The following SLC24A3 variants were observed in gnomAD, a reference collection of about 807,000 sequenced individuals.
SLC24A3 encodes sodium/potassium/calcium exchanger 3.
A neutral mutation model predicts 75.8 loss-of-function variants in SLC24A3; 28 were observed. The ratio of observed to expected loss-of-function variants is 0.37; its 90% CI spans 0.27 to 0.51. SLC24A3 has a LOEUF of 0.51. Ranked by LOEUF, SLC24A3 falls within the 20% of genes least tolerant of loss-of-function variation. SLC24A3 has a pLI of 0.94. For synonymous variants in SLC24A3, 372 were observed against 334.1 expected (o/e 1.11, Z -1.24); for missense variants, 663 against 847.8 (o/e 0.78, Z 2.71).
intron 2 of SLC24A3, among the ~76,000 whole-genome samples, chr20:19,311,748 G>T (rs1984462044): frequency 6.6e-6 from 1 of 152,086 alleles, no homozygotes; most frequent in South Asian, 2.1e-4. Flanking sequence ...ACAACAGTAT[G>T]CAGCTCTCTT....
chr20:19,534,485 A>T (rs920220589), intron 3 of SLC24A3, among the ~76,000 whole-genome samples: 4 of 147,678 alleles, frequency 2.7e-5, no homozygotes, highest in African/African-American at 9.8e-5. Flanking sequence ...ATCTTGGCTC[A>T]CTGCAACCTC....
chr20:19,318,770 G>A (rs754224124), intron 2 of SLC24A3, among the ~76,000 whole-genome samples: 6 of 152,178 alleles, frequency 3.9e-5, no homozygotes, highest in Non-Finnish European at 2.9e-5. Context: ...GGCTGGAAGA[G>A]AGGCTGATGG....
rs765138994 is a variant in SLC24A3 at position 19,212,835 on chromosome 20, G to A, written c.-8G>A. 2,231 of 1,016,156 alleles carry A rather than the reference G, an allele frequency of 2.2e-3. 6 individuals are homozygous for A. Among genetic ancestry groups the A allele is most frequent in the Non-Finnish European group, 2.4e-3 (2,071 of 851,294 alleles). 62.9% of individuals were successfully genotyped at this position (1,016,156 alleles called of 1,614,324 possible). A position where few individuals can be genotyped will look rare whatever the true frequency, so the allele number is the denominator to read the frequency against. On this transcript the variant is annotated 5_prime_UTR_variant, in exon 1 of 17. Transcript: ENST00000328041. ...CGCCCGCCGAGGCCGCCGCCCGGCC[G>A]CCCGAGGATGCGGCCGTCCGGCGAC...
At chr20:19,587,393 CA>C (rs1006238344) in intron 6 of SLC24A3, among the ~76,000 whole-genome samples, 2 of 152,174 alleles carry the variant, frequency 1.3e-5, no homozygotes, top group African/African-American at 4.8e-5. Context: ...CCCTGAACTC[CA>C]AAAAATGCTG....
Position 19,617,058 on chromosome 20 carries a change from A to G in SLC24A3, c.612+31514A>G, listed in dbSNP as rs76869162. Among the ~76,000 whole-genome samples, 293 of 152,290 alleles carry G rather than the reference A, an allele frequency of 1.9e-3. 1 individual carries two copies. In the East Asian group the frequency reaches 0.031, roughly 16 times the overall value. ...TTACATTCCCTGGAATATATGGTGC[A>G]TCAGACACAATGCTGGAGATTGCAC... On this transcript the variant is annotated intron_variant, in intron 6 of 16. Coordinates refer to ENST00000328041, the MANE Select transcript of SLC24A3 (RefSeq NM_020689.4).
At position 19,388,718 on chromosome 20, in the gene SLC24A3, A is replaced by G. The variant is rs114847551; in HGVS notation, c.271+107631A>G. Reference sequence around the variant, plus strand: ...CCTCTCTTGCTTGTTTTTAGTTCCTATTTGCATGGAATTTCTTTTTCCATC... The same window carrying G: ...CCTCTCTTGCTTGTTTTTAGTTCCTGTTTGCATGGAATTTCTTTTTCCATC... On this transcript the variant is annotated intron_variant, in intron 2 of 16. Coordinates refer to ENST00000328041, the MANE Select transcript of SLC24A3 (RefSeq NM_020689.4). Among the ~76,000 whole-genome samples, 480 of 152,106 alleles carry G rather than the reference A, an allele frequency of 3.2e-3. 4 individuals are homozygous for G. The highest frequency in any genetic ancestry group is 0.01 in the African/African-American group (415 of 41,498).
At position 19,374,609 on chromosome 20, in the gene SLC24A3, C is replaced by T. The variant is rs1303613727; in HGVS notation, c.271+93522C>T. On this transcript the variant is annotated intron_variant, in intron 2 of 16. Transcript: ENST00000328041. ...TATGCACTGTCCTTTCACAGCATTA[C>T]CTGACTTGATTCTCACCCCAAGCCT... is the stretch of plus-strand genomic sequence containing the variant. Among the ~76,000 whole-genome samples, 3 of 152,188 alleles carry T rather than the reference C, an allele frequency of 2.0e-5. No homozygotes were observed. In the South Asian group the frequency reaches 6.2e-4, roughly 31 times the overall value.
At chr20:19,237,480 G>T (rs1274881137) in intron 1 of SLC24A3, among the ~76,000 whole-genome samples, 3 of 152,136 alleles carry the variant, frequency 2.0e-5, no homozygotes, top group Admixed American at 6.5e-5. Context: ...TGTGGGTTCG[G>T]CACCTGTTCC....
intron 6 of SLC24A3, among the ~76,000 whole-genome samples, chr20:19,623,821 A>C (rs894260243): frequency 1.3e-5 from 2 of 152,190 alleles, no homozygotes; most frequent in African/African-American, 2.4e-5. Context: ...ATGAAGAGCA[A>C]ATATGTGTCC....
rs184252136 is a variant in SLC24A3 at position 19,587,029 on chromosome 20, T to G, written c.612+1485T>G. Among the ~76,000 whole-genome samples the G allele has an allele frequency of 6.8e-3, 1,037 of 152,338 alleles. 7 individuals are homozygous for G. Among genetic ancestry groups the G allele is most frequent in the Non-Finnish European group, 0.012 (785 of 68,030 alleles). On this transcript the variant is annotated intron_variant, in intron 6 of 16. Transcript: ENST00000328041. ...GCACTTCCCTGGCTCTCCTTTGCCT[T>G]GGACACCTGCTTGTGGCCTTCCACA...
intron 6 of SLC24A3, among the ~76,000 whole-genome samples, chr20:19,611,837 C>T (rs1435071272): frequency 2.0e-5 from 3 of 152,216 alleles, no homozygotes; most frequent in Admixed American, 6.5e-5. Flanking sequence ...AACACTGACC[C>T]TTGGCCTCTT....
chr20:19,567,620 A>C (rs986727947), intron 3 of SLC24A3, among the ~76,000 whole-genome samples: 1 of 152,204 alleles, frequency 6.6e-6, no homozygotes, highest in Non-Finnish European at 1.5e-5. Flanking sequence ...CAGTTTACCC[A>C]TGTAACAAGC....
intron 2 of SLC24A3, among the ~76,000 whole-genome samples, chr20:19,369,557 A>G (rs1202496093): frequency 3.9e-5 from 6 of 152,232 alleles, no homozygotes; most frequent in Non-Finnish European, 8.8e-5. Context: ...ATAAAGTCTA[A>G]CATAGATTAG....
At chr20:19,220,322 A>T (rs1172043527) in intron 1 of SLC24A3, among the ~76,000 whole-genome samples, 1 of 152,242 alleles carries the variant, frequency 6.6e-6, no homozygotes, top group Admixed American at 6.5e-5. Flanking sequence ...TACATTTGGA[A>T]TATTTGCAAC....
At chr20:19,238,689 G>A (rs947675197) in intron 1 of SLC24A3, among the ~76,000 whole-genome samples, 1 of 152,162 alleles carries the variant, frequency 6.6e-6, no homozygotes, top group African/African-American at 2.4e-5. Context: ...TCCTAACCAT[G>A]GGGAGGGAGC....
intron 2 of SLC24A3, among the ~76,000 whole-genome samples, chr20:19,444,992 C>T (rs1987356537): frequency 6.6e-6 from 1 of 152,012 alleles, no homozygotes; most frequent in Non-Finnish European, 1.5e-5. Context: ...TTCTGTGTCT[C>T]ACACGTTTTG....
intron 7 of SLC24A3, among the ~76,000 whole-genome samples, chr20:19,659,278 C>T (rs753170440): frequency 2.4e-4 from 37 of 152,332 alleles, no homozygotes; most frequent in Non-Finnish European, 3.8e-4. Flanking sequence ...ACCAACACGT[C>T]TCCTTCCTTC....
intron 3 of SLC24A3, among the ~76,000 whole-genome samples, chr20:19,518,269 C>T (rs1462023036): frequency 1.3e-5 from 2 of 152,178 alleles, no homozygotes; most frequent in Admixed American, 6.5e-5. Context: ...ATCTAGAAAG[C>T]ACTTTTTGAG....
At chr20:19,400,406 T>C (rs6046053) in intron 2 of SLC24A3, among the ~76,000 whole-genome samples, 3,827 of 152,304 alleles carry the variant, frequency 0.025, 167 homozygotes, top group African/African-American at 0.085. Context: ...CCTTCCCATG[T>C]ACTCTACCCA....
Sources: gnomAD v4.1 joint callset for allele counts (sites outside exome capture counted in the v4.1 genomes callset) on GRCh38, gnomAD v4.1.1 for gene constraint, MANE v1.5 for transcripts, NCBI Gene and HGNC (gene_info 2026-07-23, HGNC 2026-07-21) for gene names.